The following CEMIP variants were observed in gnomAD, a reference collection of about 807,000 sequenced individuals.
The protein encoded by CEMIP is cell migration-inducing and hyaluronan-binding protein.
CEMIP carries 105 observed loss-of-function variants against 156.9 expected under a neutral mutation model. The observed-to-expected ratio is 0.67, with a 90% CI of 0.57 to 0.79. The LOEUF (loss-of-function observed/expected upper bound fraction) is 0.79. CEMIP is among the 30% of genes least tolerant of loss of function. The probability of loss-of-function intolerance (pLI) is 0.00; values close to 1 mark genes in which losing one functional copy is unlikely to be tolerated. For synonymous variants in CEMIP, 676 were observed against 668.4 expected (o/e 1.01, Z -0.17); for missense variants, 1,457 against 1,769.4 (o/e 0.82, Z 3.17).
intron 1 of CEMIP, among the ~76,000 whole-genome samples, chr15:80,862,974 C>T (rs951598481): frequency 2.0e-5 from 3 of 152,168 alleles, no homozygotes; most frequent in Non-Finnish European, 4.4e-5. Flanking sequence ...CTCCAGAGAG[C>T]CCTGGGATTG....
At chr15:80,857,916 G>A (rs1164769210) in intron 1 of CEMIP, among the ~76,000 whole-genome samples, 1 of 152,184 alleles carries the variant, frequency 6.6e-6, no homozygotes, top group Non-Finnish European at 1.5e-5. Flanking sequence ...ACCTGAGGGT[G>A]AGTGGAGTAG....
At chr15:80,843,016 G>A (rs1897463474) in intron 1 of CEMIP, among the ~76,000 whole-genome samples, 1 of 152,218 alleles carries the variant, frequency 6.6e-6, no homozygotes, top group Non-Finnish European at 1.5e-5. Flanking sequence ...CATCTTGCTA[G>A]TGAGAGGTGA....
At chr15:80,788,976 A>G (rs1034655409) in intron 1 of CEMIP, among the ~76,000 whole-genome samples, 2 of 151,690 alleles carry the variant, frequency 1.3e-5, no homozygotes, top group African/African-American at 2.4e-5. Context: ...TTTGGTGCTA[A>G]TTTTGGTTTT....
At chr15:80,918,138 G>A (rs1567100119) in intron 14 of CEMIP, among the ~76,000 whole-genome samples, 1 of 152,180 alleles carries the variant, frequency 6.6e-6, no homozygotes, top group Non-Finnish European at 1.5e-5. Context: ...AGTCATTCGT[G>A]GTGGTGCAAA....
chr15:80,902,564 C>A (rs1256682225), intron 12 of CEMIP, among the ~76,000 whole-genome samples: 1 of 152,182 alleles, frequency 6.6e-6, no homozygotes, highest in Non-Finnish European at 1.5e-5. Context: ...CAGCCATGGC[C>A]AGGTCTTGTA....
At position 80,895,939 on chromosome 15, in the gene CEMIP, A is replaced by G; in HGVS notation, c.1290A>G (p.Val430=). ...CCATTCTGAACTTGGAGGATAATGT[A>G]CAGTCATGGAAACCTGGAGATACCC... ...NSTILNLEDN[V]QSWKPGDTLV... is the part of the protein sequence containing the mutation. Residue 430 remains valine (V), a synonymous_variant, in exon 12 of 30, where the codon GTA becomes GTG. Coordinates refer to ENST00000394685, the MANE Select transcript of CEMIP (RefSeq NM_001293298.2). 1.2e-6 allele frequency: 2 copies of G among 1,614,208 alleles called. No homozygotes were observed. The highest frequency in any genetic ancestry group is 1.7e-6 in the Non-Finnish European group (2 of 1,180,036).
At chr15:80,925,055 G>C (rs1475994489) in intron 18 of CEMIP, among the ~76,000 whole-genome samples, 1 of 152,188 alleles carries the variant, frequency 6.6e-6, no homozygotes, top group Non-Finnish European at 1.5e-5. Flanking sequence ...TCAGTTTAAT[G>C]GGAAAGAACA....
chr15:80,821,150 G>A (rs929410527), intron 1 of CEMIP, among the ~76,000 whole-genome samples: 6 of 152,198 alleles, frequency 3.9e-5, no homozygotes, highest in South Asian at 2.1e-4. Context: ...ATAATCTCAC[G>A]GGGAAATAGC....
chr15:80,831,346 G>A (rs1897153608), intron 1 of CEMIP, among the ~76,000 whole-genome samples: 1 of 152,166 alleles, frequency 6.6e-6, no homozygotes, highest in Non-Finnish European at 1.5e-5. Flanking sequence ...GAGCCTGTGA[G>A]GATGTCTTTC....
chr15:80,862,861 A>C (rs1212841208), intron 1 of CEMIP, among the ~76,000 whole-genome samples: 6 of 152,224 alleles, frequency 3.9e-5, no homozygotes, highest in Admixed American at 6.5e-5. Flanking sequence ...GGCCTGTCCT[A>C]TGGGAATAAG....
intron 14 of CEMIP, among the ~76,000 whole-genome samples, chr15:80,911,458 C>T (rs1023875301): frequency 3.3e-5 from 5 of 152,156 alleles, no homozygotes; most frequent in African/African-American, 1.2e-4. Flanking sequence ...ATTAAGATTA[C>T]TGGAAGCCTG....
chr15:80,927,545 G>A (rs1474874596), intron 19 of CEMIP, among the ~76,000 whole-genome samples: 1 of 152,170 alleles, frequency 6.6e-6, no homozygotes, highest in Non-Finnish European at 1.5e-5. Context: ...CTTAAGAGAT[G>A]GTAAATGCCA....
chr15:80,942,361 G>T, intron 27 of CEMIP, 24 bp downstream of exon 27: 1 of 1,598,076 alleles, frequency 6.3e-7, no homozygotes, highest in African/African-American at 1.3e-5. Context: ...GCCCCTGGAG[G>T]ATTCGGGTTT....
At chr15:80,878,571 G>T in intron 3 of CEMIP, 150 bp from the exon 4 acceptor site, 1 of 924,166 alleles carries the variant, frequency 1.1e-6, no homozygotes, top group Non-Finnish European at 1.7e-6. Context: ...TATGTCAGGA[G>T]GTCTCTCAGC....
chr15:80,877,514 AAGG>A (rs1475760833), intron 3 of CEMIP, among the ~76,000 whole-genome samples: 1 of 152,154 alleles, frequency 6.6e-6, no homozygotes, highest in African/African-American at 2.4e-5. Context: ...TCACAGAAAA[AAGG>A]AGGGCACTGG....
chr15:80,845,847 C>T (rs1317669060), intron 1 of CEMIP, among the ~76,000 whole-genome samples: 4 of 152,124 alleles, frequency 2.6e-5, no homozygotes, highest in African/African-American at 9.7e-5. Flanking sequence ...TGGAGTGTCA[C>T]GAAAAGACAC....
At chr15:80,899,372 G>A (rs998536401) in intron 12 of CEMIP, among the ~76,000 whole-genome samples, 1 of 152,158 alleles carries the variant, frequency 6.6e-6, no homozygotes, top group African/African-American at 2.4e-5. Flanking sequence ...CCAAAGTATT[G>A]TTCCAATCAA....
intron 7 of CEMIP, among the ~76,000 whole-genome samples, chr15:80,886,109 A>G (rs1002645367): frequency 2.0e-5 from 3 of 152,198 alleles, no homozygotes; most frequent in African/African-American, 7.2e-5. Flanking sequence ...ATGAATGGAA[A>G]TTGGTGACGG....
intron 14 of CEMIP, among the ~76,000 whole-genome samples, chr15:80,913,760 AC>A (rs1220205088): frequency 2.0e-5 from 3 of 152,246 alleles, no homozygotes; most frequent in Admixed American, 1.3e-4. Context: ...ATCCAAACAA[AC>A]AAAAAGACAC....
Sources: allele counts gnomAD v4.1 joint callset (sites outside exome capture counted in the v4.1 genomes callset), GRCh38; gene constraint gnomAD v4.1.1; transcripts MANE v1.5; gene names NCBI Gene and HGNC (gene_info 2026-07-23, HGNC 2026-07-21).